The following PRR16 variants were observed in gnomAD, a reference collection of about 807,000 sequenced individuals.
PRR16 encodes proline rich 16, also known as protein Largen.
In PRR16, 6 loss-of-function variants were observed where a neutral mutation model predicts 18.2. The ratio of observed to expected loss-of-function variants is 0.33; its 90% CI spans 0.18 to 0.65. The LOEUF (loss-of-function observed/expected upper bound fraction) is 0.65, where lower values mean the gene tolerates loss of function less well. Among genes scored for constraint, PRR16 ranks in the 30% least tolerant of loss-of-function variants. PRR16 has a pLI of 0.74. For missense variants in PRR16, 412 were observed against 376.6 expected, an observed-to-expected ratio of 1.09 and a Z score of -0.78; for synonymous variants, 151 against 147.8, an observed-to-expected ratio of 1.02 and a Z score of -0.16.
At chr5:120,529,014 AT>A (rs1378480264) in intron 1 of PRR16, among the ~76,000 whole-genome samples, 1 of 152,090 alleles carries the variant, frequency 6.6e-6, no homozygotes, top group African/African-American at 2.4e-5. Flanking sequence ...ATTTAATTAA[AT>A]CATTTTTTTT....
chr5:120,479,192 AG>A (rs572461505), intron 1 of PRR16, among the ~76,000 whole-genome samples: 3 of 152,198 alleles, frequency 2.0e-5, no homozygotes, highest in Non-Finnish European at 4.4e-5. Flanking sequence ...TATCCTATCA[AG>A]TTACTGAACT....
intron 1 of PRR16, among the ~76,000 whole-genome samples, chr5:120,577,597 G>A (rs908608625): frequency 4.6e-5 from 7 of 152,094 alleles, no homozygotes; most frequent in Non-Finnish European, 1.0e-4. Context: ...ACAAGTCAAT[G>A]CCACAGGAAA....
intron 1 of PRR16, among the ~76,000 whole-genome samples, chr5:120,508,925 T>C (rs919735208): frequency 6.6e-6 from 1 of 152,070 alleles, no homozygotes; most frequent in African/African-American, 2.4e-5. Context: ...TACTATATGC[T>C]CCTTTTTGTA....
the PRR16 span, among the ~76,000 whole-genome samples, chr5:120,736,743 ATG>A: frequency 2.6e-5 from 4 of 151,840 alleles, no homozygotes; most frequent in Non-Finnish European, 5.9e-5. Flanking sequence ...CTTTCCGTTT[ATG>A]TGTGTCTTCT....
intron 1 of PRR16, among the ~76,000 whole-genome samples, chr5:120,664,341 A>G (rs949075203): frequency 6.6e-6 from 1 of 151,814 alleles, no homozygotes; most frequent in Non-Finnish European, 1.5e-5. Flanking sequence ...ACAAATCCTT[A>G]TCTCGTGCTG....
chr5:120,658,922 G>A (rs1335664896), intron 1 of PRR16, among the ~76,000 whole-genome samples: 1 of 151,594 alleles, frequency 6.6e-6, no homozygotes, highest in East Asian at 1.9e-4. Context: ...TCTCCCTCCT[G>A]CCCTCCCCAG....
chr5:120,775,160 C>T, the PRR16 span, among the ~76,000 whole-genome samples: 1 of 152,168 alleles, frequency 6.6e-6, no homozygotes, highest in Non-Finnish European at 1.5e-5. Context: ...AGAAATTAGA[C>T]TTTCCACTTT....
At chr5:120,791,315 T>C in the PRR16 span, among the ~76,000 whole-genome samples, 6 of 152,098 alleles carry the variant, frequency 3.9e-5, no homozygotes, top group Non-Finnish European at 8.8e-5. Context: ...CTTTCTGTTT[T>C]CTAAGCTCTG....
the PRR16 span, among the ~76,000 whole-genome samples, chr5:120,747,779 AAAAG>A: frequency 2.0e-4 from 31 of 151,740 alleles, no homozygotes; most frequent in Admixed American, 3.9e-4. Context: ...AGGAAGGAGA[AAAAG>A]AAGGAAAGAA....
intron 1 of PRR16, among the ~76,000 whole-genome samples, chr5:120,520,189 C>T (rs1287148991): frequency 1.3e-5 from 2 of 152,036 alleles, no homozygotes; most frequent in East Asian, 1.9e-4. Context: ...TGATGTCAGG[C>T]GTTCGAGACC....
At chr5:120,787,602 T>C in the PRR16 span, among the ~76,000 whole-genome samples, 1 of 152,138 alleles carries the variant, frequency 6.6e-6, no homozygotes, top group Admixed American at 6.6e-5. Flanking sequence ...TGCTCTTATC[T>C]TGAATGCATG....
At chr5:120,698,129 G>A in the PRR16 span, among the ~76,000 whole-genome samples, 1 of 152,058 alleles carries the variant, frequency 6.6e-6, no homozygotes, top group Non-Finnish European at 1.5e-5. Context: ...TGGAGAGACA[G>A]AGAATGGCCG....
At chr5:120,697,009 A>G in the PRR16 span, among the ~76,000 whole-genome samples, 1 of 152,306 alleles carries the variant, frequency 6.6e-6, no homozygotes, top group African/African-American at 2.4e-5. Flanking sequence ...AAATTAATGT[A>G]TGAAGATTTA....
intron 1 of PRR16, among the ~76,000 whole-genome samples, chr5:120,603,373 T>G (rs572623758): frequency 2.4e-4 from 37 of 152,268 alleles, no homozygotes; most frequent in African/African-American, 8.9e-4. Flanking sequence ...TAGTCTCTGA[T>G]GGCTTTTTAT....
chr5:120,612,265 T>TTTCAA (rs1561573720), intron 1 of PRR16, among the ~76,000 whole-genome samples: 4 of 152,192 alleles, frequency 2.6e-5, no homozygotes, highest in African/African-American at 9.6e-5. Flanking sequence ...CTTGGAACTG[T>TTTCAA]GGACTTTTGG....
At chr5:120,672,528 T>A (rs1756644717) in intron 1 of PRR16, among the ~76,000 whole-genome samples, 1 of 93,216 alleles carries the variant, frequency 1.1e-5, no homozygotes, top group Non-Finnish European at 2.3e-5. Flanking sequence ...ATAATTTATG[T>A]TATAGATATA....
At chr5:120,721,952 T>G in the PRR16 span, among the ~76,000 whole-genome samples, 1 of 152,046 alleles carries the variant, frequency 6.6e-6, no homozygotes, top group African/African-American at 2.4e-5. Context: ...TTACAAGGTA[T>G]ACACATGCTT....
chr5:120,760,592 C>T, the PRR16 span, among the ~76,000 whole-genome samples: 6,746 of 152,022 alleles, frequency 0.044, 512 homozygotes, highest in African/African-American at 0.15. Flanking sequence ...TTAGCATTTA[C>T]CTCTAAAGCC....
chr5:120,700,858 C>A, the PRR16 span, among the ~76,000 whole-genome samples: 2 of 152,172 alleles, frequency 1.3e-5, no homozygotes, highest in African/African-American at 4.8e-5. Context: ...CAGTCTTCAG[C>A]CGCTAAGCCG....
Sources: gnomAD v4.1 joint callset for allele counts (sites outside exome capture counted in the v4.1 genomes callset) on GRCh38, gnomAD v4.1.1 for gene constraint, MANE v1.5 for transcripts, NCBI Gene and HGNC (gene_info 2026-07-23, HGNC 2026-07-21) for gene names.